Variants in SPMIP2 observed in about 807,000 individuals in gnomAD.
The protein encoded by SPMIP2 is protein SPMIP2.
At chr4:158,960,749 G>C in the SPMIP2 span, among the ~76,000 whole-genome samples, 1 of 152,074 alleles carries the variant, frequency 6.6e-6, no homozygotes, top group Non-Finnish European at 1.5e-5. Context: ...AAATGTGGTC[G>C]TAATAACGTA....
At chr4:158,935,618 G>A in the SPMIP2 span, among the ~76,000 whole-genome samples, 2 of 152,170 alleles carry the variant, frequency 1.3e-5, no homozygotes, top group Admixed American at 1.3e-4. Context: ...AACGATAAAG[G>A]GTTTGGAGTG....
chr4:159,025,609 C>A, the SPMIP2 span, among the ~76,000 whole-genome samples: 2 of 151,950 alleles, frequency 1.3e-5, no homozygotes, highest in East Asian at 3.9e-4. Context: ...ATAAGGTGTA[C>A]TTGGTTGGCT....
the SPMIP2 span, among the ~76,000 whole-genome samples, chr4:159,030,902 T>G: frequency 6.6e-6 from 1 of 152,198 alleles, no homozygotes; most frequent in Non-Finnish European, 1.5e-5. Flanking sequence ...CTCAGTATTT[T>G]CTCATCCTCT....
At chr4:159,062,697 G>C in the SPMIP2 span, among the ~76,000 whole-genome samples, 3 of 95,112 alleles carry the variant, frequency 3.2e-5, no homozygotes, top group Admixed American at 1.2e-4. Context: ...TTGAAACAGG[G>C]TCTCTCTCTC....
chr4:159,031,211 AAT>A, the SPMIP2 span, among the ~76,000 whole-genome samples: 1 of 152,174 alleles, frequency 6.6e-6, no homozygotes, highest in African/African-American at 2.4e-5. Flanking sequence ...TAGGAGTTAA[AAT>A]TATTATTCTT....
At chr4:158,973,116 A>G in the SPMIP2 span, 2 of 1,607,938 alleles carry the variant, frequency 1.2e-6, no homozygotes, top group Admixed American at 1.7e-5. Context: ...TGATTTGTTG[A>G]TAAAATTATA....
the SPMIP2 span, among the ~76,000 whole-genome samples, chr4:159,028,337 T>G: frequency 6.6e-6 from 1 of 152,184 alleles, no homozygotes; most frequent in African/African-American, 2.4e-5. Context: ...TTTAAGTATT[T>G]TTTTTTCCTT....
chr4:159,073,153 T>G, the SPMIP2 span, among the ~76,000 whole-genome samples: 1 of 152,254 alleles, frequency 6.6e-6, no homozygotes, highest in African/African-American at 2.4e-5. Flanking sequence ...TTTTTCTTTT[T>G]CTTTTTGTTT....
chr4:159,006,968 G>A, the SPMIP2 span, among the ~76,000 whole-genome samples: 1 of 152,192 alleles, frequency 6.6e-6, no homozygotes, highest in Non-Finnish European at 1.5e-5. Context: ...TTAAGCCAAT[G>A]TTTAACATTG....
the SPMIP2 span, among the ~76,000 whole-genome samples, chr4:159,036,785 T>TG: frequency 6.6e-6 from 1 of 152,226 alleles, no homozygotes; most frequent in Non-Finnish European, 1.5e-5. Flanking sequence ...ACCTGCATTA[T>TG]GCTCTTCTTT....
chr4:158,911,522 T>A, the SPMIP2 span, among the ~76,000 whole-genome samples: 5 of 152,070 alleles, frequency 3.3e-5, no homozygotes, highest in Non-Finnish European at 5.9e-5. Context: ...GCTAGGTTAT[T>A]GTCTTTGCCC....
the SPMIP2 span, among the ~76,000 whole-genome samples, chr4:158,921,857 A>C: frequency 6.6e-6 from 1 of 151,342 alleles, no homozygotes; most frequent in South Asian, 2.1e-4. Context: ...CTACAGTGAT[A>C]AACCTGGCTC....
chr4:158,969,902 G>T, the SPMIP2 span, among the ~76,000 whole-genome samples: 1 of 152,206 alleles, frequency 6.6e-6, no homozygotes, highest in Non-Finnish European at 1.5e-5. Context: ...ACTAAAACAA[G>T]AAGTGACCAT....
chr4:158,926,059 T>G, the SPMIP2 span, among the ~76,000 whole-genome samples: 1 of 152,186 alleles, frequency 6.6e-6, no homozygotes, highest in Admixed American at 6.5e-5. Flanking sequence ...GTTGAGGACT[T>G]TAACATATGA....
chr4:158,988,335 C>A, the SPMIP2 span, among the ~76,000 whole-genome samples: 95 of 152,286 alleles, frequency 6.2e-4, no homozygotes, highest in African/African-American at 1.9e-3. Context: ...TGGTACCATT[C>A]CTTCTCAAAC....
the SPMIP2 span, among the ~76,000 whole-genome samples, chr4:158,976,330 A>G: frequency 6.6e-6 from 1 of 152,218 alleles, no homozygotes; most frequent in Non-Finnish European, 1.5e-5. Context: ...TATGTTGAAC[A>G]GGAGTGGTGA....
the SPMIP2 span, among the ~76,000 whole-genome samples, chr4:159,003,791 T>C: frequency 1.7e-4 from 26 of 152,306 alleles, 1 homozygote; most frequent in South Asian, 5.0e-3. Context: ...ACACAGCTAC[T>C]AGAAATGCTA....
At chr4:158,900,582 A>G in the SPMIP2 span, among the ~76,000 whole-genome samples, 376 of 152,248 alleles carry the variant, frequency 2.5e-3, 2 homozygotes, top group African/African-American at 8.6e-3. Flanking sequence ...TCCCTTTACC[A>G]TTATGTAATG....
the SPMIP2 span, among the ~76,000 whole-genome samples, chr4:159,062,697 G>GTCTCTCTCTCTCTCTCTCTCTCTC: frequency 0.064 from 6,090 of 94,674 alleles, 1,140 homozygotes; most frequent in Non-Finnish European, 0.07. Flanking sequence ...TTGAAACAGG[G>GTCTCTCTCTCTCTCTCTCTCTCTC]TCTCTCTCTC....
Sources: gnomAD v4.1 joint callset for allele counts (sites outside exome capture counted in the v4.1 genomes callset) on GRCh38, gnomAD v4.1.1 for gene constraint, MANE v1.5 for transcripts, NCBI Gene and HGNC (gene_info 2026-07-23, HGNC 2026-07-21) for gene names.